The following CACNB4 variants were observed in gnomAD, a reference collection of about 807,000 sequenced individuals.
The protein encoded by CACNB4 is voltage-dependent L-type calcium channel subunit beta-4.
In CACNB4, 32 loss-of-function variants were observed where a neutral mutation model predicts 71.2. That is an observed-to-expected ratio of 0.45 (90% CI 0.34 to 0.60). CACNB4 has a LOEUF of 0.60. Among genes scored for constraint, CACNB4 ranks in the 20% least tolerant of loss-of-function variants. The pLI is 0.01. For missense variants in CACNB4, 464 were observed against 647.9 expected (o/e 0.72, Z 3.08); for synonymous variants, 231 against 236.9 (o/e 0.97, Z 0.23).
chr2:151,878,034 TA>T (rs1392042976), intron 4 of CACNB4, among the ~76,000 whole-genome samples: 8 of 152,218 alleles, frequency 5.3e-5, no homozygotes, highest in African/African-American at 1.7e-4. Flanking sequence ...GAGATGATTC[TA>T]AAAACTTCCT....
intron 2 of CACNB4, among the ~76,000 whole-genome samples, chr2:152,000,335 T>C (rs1682325866): frequency 6.6e-6 from 1 of 152,224 alleles, no homozygotes; most frequent in African/African-American, 2.4e-5. Flanking sequence ...GCACCATCTC[T>C]TGTTAGCAGT....
At position 151,974,627 on chromosome 2, in the gene CACNB4, A is replaced by G. The variant is rs373555065; in HGVS notation, c.148-91257T>C. On this transcript the variant is annotated intron_variant, in intron 2 of 13. Coordinates refer to ENST00000539935, the MANE Select transcript of CACNB4 (RefSeq NM_000726.5). Reference sequence around the variant, plus strand: ...GCCAATGTCTTCACGTAAATTCTTCATCCCCTTCCCATGCACAAATCTTTA... The same window carrying G: ...GCCAATGTCTTCACGTAAATTCTTCGTCCCCTTCCCATGCACAAATCTTTA... Among the ~76,000 whole-genome samples, 4 of 152,280 alleles carry G rather than the reference A, an allele frequency of 2.6e-5. No homozygotes were observed. The East Asian group carries it at 7.7e-4, about 29-fold the overall frequency.
intron 2 of CACNB4, among the ~76,000 whole-genome samples, chr2:151,994,274 G>A (rs902307679): frequency 2.8e-4 from 43 of 151,942 alleles, no homozygotes; most frequent in African/African-American, 9.2e-4. Context: ...CTGTCGCCCA[G>A]GCTGGAGTGC....
chr2:152,029,732 C>T (rs1219040857), intron 2 of CACNB4, among the ~76,000 whole-genome samples: 1 of 152,032 alleles, frequency 6.6e-6, no homozygotes, highest in Non-Finnish European at 1.5e-5. Context: ...GAGGGCAGAG[C>T]CTCATGAAAG....
In CACNB4 at chr2:151,898,425, G is replaced by A. The variant is rs541978497; in HGVS notation, c.148-15055C>T. ...GACCCACATACCAAAATTCAAGGCC[G>A]GCACTCTCAACAAAACGAGCCAACC... On this transcript the variant is annotated intron_variant, in intron 2 of 13. Coordinates refer to ENST00000539935, the MANE Select transcript of CACNB4 (RefSeq NM_000726.5). 7.9e-5 allele frequency among the ~76,000 whole-genome samples: 12 copies of A among 152,144 alleles called. No individual in the cohort carries two copies. The East Asian group carries it at 9.7e-4, about 12-fold the overall frequency.
intron 2 of CACNB4, among the ~76,000 whole-genome samples, chr2:152,067,972 C>G (rs1686440964): frequency 6.6e-6 from 1 of 152,174 alleles, no homozygotes; most frequent in African/African-American, 2.4e-5. Flanking sequence ...ACTATTAACT[C>G]AAAGAGGATT....
intron 12 of CACNB4, among the ~76,000 whole-genome samples, chr2:151,847,232 G>A (rs1039500816): frequency 6.6e-6 from 1 of 151,658 alleles, no homozygotes; most frequent in Non-Finnish European, 1.5e-5. Context: ...ATCAAAAAAT[G>A]AGCTGGGCTT....
intron 2 of CACNB4, among the ~76,000 whole-genome samples, chr2:152,050,838 G>A (rs1472265372): frequency 6.6e-6 from 1 of 151,894 alleles, no homozygotes; most frequent in Non-Finnish European, 1.5e-5. Context: ...GCACAATCTT[G>A]GCTCACTGCA....
rs117580645 is a variant in CACNB4, at chr2:152,055,378, T to C, written c.147+42952A>G. On this transcript the variant is annotated intron_variant, in intron 2 of 13. Coordinates refer to ENST00000539935, the MANE Select transcript of CACNB4 (RefSeq NM_000726.5). The stretch of plus-strand genomic sequence containing the variant: ...TTTTTAATTTTGATGAGCTCCAAAT[T>C]ATTCATTTTTTTCTTTGGTTACTTG... 3.8e-3 allele frequency among the ~76,000 whole-genome samples: 580 copies of C among 152,338 alleles called. 13 individuals carry two copies. In the South Asian group the frequency reaches 0.046, roughly 12 times the overall value.
intron 12 of CACNB4, among the ~76,000 whole-genome samples, chr2:151,845,035 A>G (rs905235664): frequency 6.6e-6 from 1 of 152,218 alleles, no homozygotes; most frequent in African/African-American, 2.4e-5. Flanking sequence ...GCAAAGCCCA[A>G]GGAGGGTAAG....
chr2:152,020,282 G>A (rs1264891763), intron 2 of CACNB4, among the ~76,000 whole-genome samples: 4 of 152,222 alleles, frequency 2.6e-5, no homozygotes, highest in African/African-American at 9.6e-5. Flanking sequence ...GATCAAGATG[G>A]TGGGTGGCAT....
At chr2:151,851,626 C>T (rs1278876143) in intron 12 of CACNB4, 1 of 152,198 alleles carries the variant, frequency 6.6e-6, no homozygotes, top group Non-Finnish European at 1.5e-5. Flanking sequence ...TCAACCCTCT[C>T]AGCAGCTAAA....
At chr2:151,991,865 T>C (rs1449196026) in intron 2 of CACNB4, among the ~76,000 whole-genome samples, 2 of 152,106 alleles carry the variant, frequency 1.3e-5, no homozygotes, top group Non-Finnish European at 2.9e-5. Flanking sequence ...GATAACGACT[T>C]TCGGAGGGGA....
intron 2 of CACNB4, among the ~76,000 whole-genome samples, chr2:152,021,442 T>C (rs1222346230): frequency 1.3e-5 from 2 of 152,180 alleles, no homozygotes; most frequent in Admixed American, 1.3e-4. Flanking sequence ...CAGCCAAAGT[T>C]TGACTCAATA....
At chr2:151,845,419 C>T (rs1487707208) in intron 12 of CACNB4, among the ~76,000 whole-genome samples, 1 of 152,130 alleles carries the variant, frequency 6.6e-6, no homozygotes, top group African/African-American at 2.4e-5. Flanking sequence ...CAATTTTTCT[C>T]TTTAGCTGTT....
intron 12 of CACNB4, chr2:151,853,075 G>A (rs1315841096): frequency 5.5e-6 from 1 of 181,094 alleles, no homozygotes; most frequent in Non-Finnish European, 1.1e-5. Flanking sequence ...ATGCCTGCTG[G>A]AATTTTCTTG....
intron 2 of CACNB4, among the ~76,000 whole-genome samples, chr2:151,907,587 T>C (rs1361082195): frequency 2.6e-5 from 4 of 152,248 alleles, no homozygotes; most frequent in African/African-American, 9.6e-5. Context: ...ACTGGTTTTC[T>C]ACTAATGTCC....
At chr2:151,898,289 C>T (rs1340751035) in intron 2 of CACNB4, among the ~76,000 whole-genome samples, 3 of 152,224 alleles carry the variant, frequency 2.0e-5, no homozygotes, top group African/African-American at 7.2e-5. Flanking sequence ...CTCGCATCAG[C>T]TGGGATGGCT....
rs189530222 is a variant in CACNB4, at chr2:152,014,529, G to A, written c.147+83801C>T. 3.4e-3 allele frequency among the ~76,000 whole-genome samples: 517 copies of A among 151,814 alleles called. 3 individuals are homozygous for A. Among genetic ancestry groups the A allele is most frequent in the African/African-American group, 0.012 (494 of 41,382 alleles). ...GCACATCACTTGAGGCCAGGAGTTC[G>A]AGACCAGCCTGGCCAACATGGTGAA... On this transcript the variant is annotated intron_variant, in intron 2 of 13. Coordinates refer to ENST00000539935, the MANE Select transcript of CACNB4 (RefSeq NM_000726.5).
Sources: allele counts gnomAD v4.1 joint callset (sites outside exome capture counted in the v4.1 genomes callset), GRCh38; gene constraint gnomAD v4.1.1; transcripts MANE v1.5; gene names NCBI Gene and HGNC (gene_info 2026-07-23, HGNC 2026-07-21).